The following NRP1 variants were observed in gnomAD, a reference collection of about 807,000 sequenced individuals.
The protein encoded by NRP1 is neuropilin-1.
In NRP1, 35 loss-of-function variants were observed where a neutral mutation model predicts 106.7. That is an observed-to-expected ratio of 0.33 (90% CI 0.25 to 0.43). NRP1 has a LOEUF of 0.43. Among genes scored for constraint, NRP1 ranks in the 20% least tolerant of loss-of-function variants. The probability of loss-of-function intolerance (pLI) is 1.00; values close to 1 mark genes in which losing one functional copy is unlikely to be tolerated. For synonymous variants in NRP1, 437 were observed against 417.9 expected (o/e 1.05, Z -0.56); for missense variants, 1,024 against 1,170.4 (o/e 0.87, Z 1.83).
Position 33,263,772 on chromosome 10 carries a change from A to C in NRP1, c.532T>G (p.Phe178Val). 1.2e-6 allele frequency: 2 copies of C among 1,613,846 alleles called. No individual in the cohort carries two copies. The highest frequency in any genetic ancestry group is 8.5e-7 in the Non-Finnish European group (1 of 1,179,748). ...ATAATCTCTGACATCTTTGGCACAA[A>C]GACAATATAAGTGCATTCAAGGCTG... Reference protein sequence around the residue: ...PNSLECTYIVFVPKMSEIILE... With the variant: ...PNSLECTYIVVVPKMSEIILE... Residue 178 changes from phenylalanine (F) to valine (V), a missense_variant, in exon 4 of 17, where the codon TTT (phenylalanine) becomes GTT (valine). By Grantham distance (50) the Phe-to-Val change is conservative. Coordinates refer to ENST00000374867, the MANE Select transcript of NRP1 (RefSeq NM_003873.7).
At chr10:33,226,853 G>A (rs999997565) in intron 6 of NRP1, among the ~76,000 whole-genome samples, 11 of 152,074 alleles carry the variant, frequency 7.2e-5, no homozygotes, top group African/African-American at 1.9e-4. Flanking sequence ...CCACCTTTCT[G>A]GACCAAACCA....
In NRP1 at chr10:33,256,419, T is replaced by A. The variant is rs1488303525; in HGVS notation, c.711A>T (p.Arg237=). Residue 237 remains arginine (R), a synonymous_variant, in exon 5 of 17, where the codon CGA becomes CGT. Coordinates refer to ENST00000374867, the MANE Select transcript of NRP1 (RefSeq NM_003873.7). Reference sequence around the variant, plus strand: ...CCATGGAGAGAATGCCCGATGAGGATCGGATTCGACCTGGTGTTTTCTGTC... The same window carrying A: ...CCATGGAGAGAATGCCCGATGAGGAACGGATTCGACCTGGTGTTTTCTGTC... ...YCGQKTPGRI[R]SSSGILSMVF... 3 of 1,614,180 alleles carry A rather than the reference T, an allele frequency of 1.9e-6. No individual in the cohort carries two copies. Among genetic ancestry groups the A allele is most frequent in the Non-Finnish European group, 2.5e-6 (3 of 1,180,036 alleles).
chr10:33,205,806 C>G (rs186921853), intron 10 of NRP1: 1 of 165,720 alleles, frequency 6.0e-6, no homozygotes, highest in East Asian at 1.7e-4. Context: ...CAGCCTCCAG[C>G]TGCATGACCC....
chr10:33,329,260 A>G (rs1239668411), intron 2 of NRP1, among the ~76,000 whole-genome samples: 1 of 152,206 alleles, frequency 6.6e-6, no homozygotes, highest in Non-Finnish European at 1.5e-5. Context: ...CTGAATCACA[A>G]AGCAAAGATA....
intron 11 of NRP1, among the ~76,000 whole-genome samples, chr10:33,198,267 G>C (rs10827210): frequency 0.24 from 35,795 of 150,790 alleles, 4,821 homozygotes; most frequent in East Asian, 0.61. Context: ...TCAGACTCCC[G>C]AGTAGCTGGG....
intron 6 of NRP1, among the ~76,000 whole-genome samples, chr10:33,253,291 G>T (rs760039715): frequency 6.6e-6 from 1 of 152,154 alleles, no homozygotes; most frequent in Non-Finnish European, 1.5e-5. Context: ...AGAGGGGGTA[G>T]ATTAGACGGC....
intron 11 of NRP1, among the ~76,000 whole-genome samples, chr10:33,199,389 ATTTTTTTTTTTTTTTTTT>A (rs1160327036): frequency 8.1e-5 from 3 of 36,838 alleles, no homozygotes; most frequent in African/African-American, 3.4e-4. Context: ...ATATATATAT[ATTTTTTTTTTTTTTTTTT>A]TTTTTTTTTT....
At position 33,270,680 on chromosome 10, in the gene NRP1, T is replaced by C. The variant is rs1459792917; in HGVS notation, c.425A>G (p.Lys142Arg). The change falls in exon 3 of 17, where the codon AAG (lysine) becomes AGG (arginine). Residue 142 changes from lysine (K) to arginine (R), a missense_variant. Coordinates refer to ENST00000374867, the MANE Select transcript of NRP1 (RefSeq NM_003873.7). ...AGFSIRYEIF[K>R]RGPECSQNYT... ...ACCGTAAGCTGTTCACTCACCTCTC[T>C]TGAAAATTTCATAACGTATGGAAAA... is the stretch of plus-strand genomic sequence containing the variant. 6.2e-7 allele frequency: 1 copy of C among 1,609,210 alleles called. No individual in the cohort carries two copies. Among genetic ancestry groups the C allele is most frequent in the Non-Finnish European group, 8.5e-7 (1 of 1,177,906 alleles).
At chr10:33,286,377 T>C (rs1588922625) in intron 2 of NRP1, among the ~76,000 whole-genome samples, 2 of 152,284 alleles carry the variant, frequency 1.3e-5, no homozygotes, top group East Asian at 3.9e-4. Context: ...TTCTTATCCC[T>C]TGAATGCCTT....
At chr10:33,185,769 A>G in intron 14 of NRP1, 45 bp from the exon 15 acceptor site, 1 of 1,491,112 alleles carries the variant, frequency 6.7e-7, no homozygotes, top group Non-Finnish European at 9.4e-7. Flanking sequence ...TGCTCATCTC[A>G]CATGGCAGTG....
chr10:33,188,318 C>T (rs117709236), intron 13 of NRP1, among the ~76,000 whole-genome samples: 184 of 152,258 alleles, frequency 1.2e-3, no homozygotes, highest in Non-Finnish European at 2.1e-3. Context: ...GAGAAGTGGA[C>T]GTAGGTAGAG....
rs563078408 is a variant in NRP1 at position 33,316,125 on chromosome 10, G to A, written c.248+14583C>T. On this transcript the variant is annotated intron_variant, in intron 2 of 16. Transcript: ENST00000374867. ...GAAACGGGGAACTCTAAATGCTTCT[G>A]AGCAGAGGGCAAGAAGGAGGAAAAC... Among the ~76,000 whole-genome samples, 4 of 152,326 alleles carry A rather than the reference G, an allele frequency of 2.6e-5. No individual in the cohort carries two copies. The South Asian group carries it at 8.3e-4, about 32-fold the overall frequency.
chr10:33,236,025 T>C (rs1267649767), intron 6 of NRP1, among the ~76,000 whole-genome samples: 1 of 152,214 alleles, frequency 6.6e-6, no homozygotes, highest in African/African-American at 2.4e-5. Context: ...AGGAGTTCTT[T>C]CCAGGCAGTA....
At chr10:33,275,429 A>G (rs536467958) in intron 2 of NRP1, among the ~76,000 whole-genome samples, 2 of 152,242 alleles carry the variant, frequency 1.3e-5, no homozygotes, top group Admixed American at 6.5e-5. Context: ...TTAGCCGGGC[A>G]TGGTGGCATG....
chr10:33,329,011 A>G (rs1484001724), intron 2 of NRP1, among the ~76,000 whole-genome samples: 1 of 152,216 alleles, frequency 6.6e-6, no homozygotes, highest in African/African-American at 2.4e-5. Flanking sequence ...CAGTTTAAAC[A>G]TGGTCAAAAA....
chr10:33,238,215 G>A (rs370759824), intron 6 of NRP1, among the ~76,000 whole-genome samples: 5 of 152,326 alleles, frequency 3.3e-5, no homozygotes, highest in African/African-American at 1.2e-4. Context: ...AGCAGCACAC[G>A]CTGCAGCTCC....
At chr10:33,254,235 G>A in intron 5 of NRP1, 41 bp from the exon 6 acceptor site, 4 of 1,520,404 alleles carry the variant, frequency 2.6e-6, no homozygotes, top group South Asian at 1.3e-5. Flanking sequence ...AAAATATAGG[G>A]GATTTAAGAT....
intron 2 of NRP1, among the ~76,000 whole-genome samples, chr10:33,298,552 G>A (rs1327385369): frequency 4.6e-5 from 7 of 152,088 alleles, no homozygotes; most frequent in African/African-American, 9.7e-5. Flanking sequence ...CAAGAACTCC[G>A]CAAATCTCCT....
chr10:33,226,154 T>C lies in NRP1; in HGVS notation c.1117A>G (p.Lys373Glu), dbSNP rs1839648053. The stretch of plus-strand genomic sequence containing the variant: ...CTTACAACAGGTTTGTTTCCTTCTT[T>C]TATGGTGATCCAGTCTTCCCCGTTG... ...SSNGEDWITI[K>E]EGNKPVLFQG... is the part of the protein sequence containing the mutation. The change falls in exon 7 of 17, where the codon AAA becomes GAA. Residue 373 changes from lysine (K) to glutamate (E), a missense_variant. Transcript: ENST00000374867. The C allele has an allele frequency of 6.2e-7, 1 of 1,614,164 alleles. No individual in the cohort carries two copies. Among genetic ancestry groups the C allele is most frequent in the Non-Finnish European group, 8.5e-7 (1 of 1,180,008 alleles).
Sources: gnomAD v4.1 joint callset for allele counts (sites outside exome capture counted in the v4.1 genomes callset) on GRCh38, gnomAD v4.1.1 for gene constraint, MANE v1.5 for transcripts, NCBI Gene and HGNC (gene_info 2026-07-23, HGNC 2026-07-21) for gene names.